ELAVL2: variants seen among roughly 807,000 people sequenced by gnomAD.
ELAVL2 encodes the protein ELAV like RNA binding protein 2, also known as ELAV-like protein 2.
ELAVL2 carries 4 observed loss-of-function variants against 34.6 expected under a neutral mutation model. That is an observed-to-expected ratio of 0.12 (90% CI 0.06 to 0.26). ELAVL2 has a LOEUF of 0.26. ELAVL2 is among the 10% of genes least tolerant of loss of function. The pLI, the probability that ELAVL2 is intolerant of heterozygous loss-of-function variation, is 1.00. For synonymous variants in ELAVL2, 193 were observed against 154.8 expected, an observed-to-expected ratio of 1.25 and a Z score of -1.83; for missense variants, 432 against 442.8, an observed-to-expected ratio of 0.98 and a Z score of 0.22.
At chr9:23,694,577 C>A (rs530326615) in intron 5 of ELAVL2, among the ~76,000 whole-genome samples, 2 of 152,156 alleles carry the variant, frequency 1.3e-5, no homozygotes, top group Non-Finnish European at 2.9e-5. Flanking sequence ...CTTTAACACC[C>A]GTGAAAGGTA....
chr9:23,762,262 A>C lies in ELAVL2; in HGVS notation c.-15-13T>G, dbSNP rs775975357. On this transcript the variant is annotated splice_polypyrimidine_tract_variant and intron_variant, in intron 1 of 6. Transcript: ENST00000397312. ...CAGCAATTACCTGCTAAAAACAGAG[A>C]AAACAAGAAATGTCAGAATTCATAT... The C allele has an allele frequency of 3.8e-5, 61 of 1,611,466 alleles. No individual in the cohort carries two copies. Among genetic ancestry groups the C allele is most frequent in the Non-Finnish European group, 2.6e-5 (31 of 1,178,434 alleles).
intron 1 of ELAVL2, among the ~76,000 whole-genome samples, chr9:23,776,701 TC>T (rs1272792976): frequency 8.1e-6 from 1 of 123,508 alleles, no homozygotes; most frequent in Admixed American, 9.8e-5. Flanking sequence ...CCAGAAATAA[TC>T]CCTTCTCTAC....
At chr9:23,709,216 A>G (rs2040252885) in intron 3 of ELAVL2, among the ~76,000 whole-genome samples, 1 of 152,064 alleles carries the variant, frequency 6.6e-6, no homozygotes, top group Non-Finnish European at 1.5e-5. Flanking sequence ...TTTCCCTTCC[A>G]CTATCAAGGA....
chr9:23,694,947 T>A (rs776153870), intron 5 of ELAVL2, among the ~76,000 whole-genome samples: 5 of 152,148 alleles, frequency 3.3e-5, no homozygotes, highest in Non-Finnish European at 5.9e-5. Context: ...TCACTGATAG[T>A]TTATAATAAA....
At chr9:23,778,009 G>A (rs988627582) in intron 1 of ELAVL2, among the ~76,000 whole-genome samples, 2 of 152,068 alleles carry the variant, frequency 1.3e-5, no homozygotes, top group African/African-American at 2.4e-5. Flanking sequence ...CTGATACAAA[G>A]TACATCATAT....
intron 1 of ELAVL2, among the ~76,000 whole-genome samples, chr9:23,779,014 G>C (rs1199263301): frequency 6.6e-6 from 1 of 152,156 alleles, no homozygotes; most frequent in Non-Finnish European, 1.5e-5. Flanking sequence ...AGAAAGAAGA[G>C]GAGGGGCCAA....
At chr9:23,765,678 G>T (rs1477723886) in intron 1 of ELAVL2, among the ~76,000 whole-genome samples, 1 of 152,088 alleles carries the variant, frequency 6.6e-6, no homozygotes, top group Admixed American at 6.6e-5. Context: ...ACAGTCAAAC[G>T]GTTTCTAACA....
At chr9:23,783,993 G>A (rs571377534) in intron 1 of ELAVL2, among the ~76,000 whole-genome samples, 1 of 152,060 alleles carries the variant, frequency 6.6e-6, no homozygotes, top group South Asian at 2.1e-4. Flanking sequence ...AGGAGATCGA[G>A]ACCATCCTGG....
At chr9:23,764,174 G>C (rs984190798) in intron 1 of ELAVL2, among the ~76,000 whole-genome samples, 3 of 152,076 alleles carry the variant, frequency 2.0e-5, no homozygotes, top group Non-Finnish European at 2.9e-5. Flanking sequence ...GATTAAAGTG[G>C]CCAAAGACAC....
At chr9:23,723,131 T>C (rs571970918) in intron 3 of ELAVL2, among the ~76,000 whole-genome samples, 3 of 152,306 alleles carry the variant, frequency 2.0e-5, no homozygotes, top group East Asian at 1.9e-4. Context: ...GGTATGTTTA[T>C]TGCGGCACTA....
intron 1 of ELAVL2, among the ~76,000 whole-genome samples, chr9:23,781,770 C>A (rs868523942): frequency 6.6e-4 from 100 of 151,962 alleles, no homozygotes; most frequent in African/African-American, 2.2e-3. Context: ...CTCTGCTCAC[C>A]GCAAACTCTG....
chr9:23,825,563 C>T (rs2065248692), intron 1 of ELAVL2, among the ~76,000 whole-genome samples: 1 of 152,164 alleles, frequency 6.6e-6, no homozygotes, highest in Non-Finnish European at 1.5e-5. Context: ...CCCCTACTCC[C>T]CCCTGGCCAC....
At chr9:23,810,430 C>A (rs181513417) in intron 1 of ELAVL2, among the ~76,000 whole-genome samples, 1 of 152,066 alleles carries the variant, frequency 6.6e-6, no homozygotes, top group Non-Finnish European at 1.5e-5. Flanking sequence ...AAAAAATAAT[C>A]CTGGTACAAC....
intron 2 of ELAVL2, among the ~76,000 whole-genome samples, chr9:23,731,340 G>GA (rs5897060): frequency 0.25 from 36,535 of 148,826 alleles, 4,952 homozygotes; most frequent in East Asian, 0.39. Context: ...TGCTGTTTAG[G>GA]AAAAAAAAAA....
chr9:23,808,107 CTCTG>C (rs2062483809), intron 1 of ELAVL2, among the ~76,000 whole-genome samples: 1 of 152,096 alleles, frequency 6.6e-6, no homozygotes, highest in South Asian at 2.1e-4. Flanking sequence ...ATTTTAGGAC[CTCTG>C]TCTATCCTTA....
chr9:23,833,317 A>C, the ELAVL2 span, among the ~76,000 whole-genome samples: 14 of 151,856 alleles, frequency 9.2e-5, no homozygotes, highest in Non-Finnish European at 2.1e-4. Flanking sequence ...CTTGTTAGAA[A>C]ACAAGTTTGA....
At chr9:23,763,512 C>T (rs1050527321) in intron 1 of ELAVL2, among the ~76,000 whole-genome samples, 1 of 151,980 alleles carries the variant, frequency 6.6e-6, no homozygotes, top group African/African-American at 2.4e-5. Flanking sequence ...TGACGGGATG[C>T]TAGTTTTAGG....
intron 3 of ELAVL2, among the ~76,000 whole-genome samples, chr9:23,722,919 G>A (rs1475815533): frequency 6.6e-6 from 1 of 152,156 alleles, no homozygotes; most frequent in Admixed American, 6.5e-5. Context: ...AACTTCACAA[G>A]CCAGGTATGT....
At chr9:23,698,429 T>C (rs2036016646) in intron 5 of ELAVL2, among the ~76,000 whole-genome samples, 1 of 152,240 alleles carries the variant, frequency 6.6e-6, no homozygotes, top group Non-Finnish European at 1.5e-5. Flanking sequence ...CCTTATTACA[T>C]GGATTTTTAA....
Sources: gnomAD v4.1 joint callset for allele counts (sites outside exome capture counted in the v4.1 genomes callset) on GRCh38, gnomAD v4.1.1 for gene constraint, MANE v1.5 for transcripts, NCBI Gene and HGNC (gene_info 2026-07-23, HGNC 2026-07-21) for gene names.